ERC1: variants seen among roughly 807,000 people sequenced by gnomAD.
ERC1 encodes ELKS/RAB6-interacting/CAST family member 1.
In ERC1, 56 loss-of-function variants were observed where a neutral mutation model predicts 132.0. The ratio of observed to expected loss-of-function variants is 0.42; its 90% CI spans 0.34 to 0.53. ERC1 has a LOEUF of 0.53. Among genes scored for constraint, ERC1 ranks in the 20% least tolerant of loss-of-function variants. The probability of loss-of-function intolerance (pLI) is 0.03; values close to 1 mark genes in which losing one functional copy is unlikely to be tolerated. For synonymous variants in ERC1, 478 were observed against 476.1 expected, an observed-to-expected ratio of 1.00 and a Z score of -0.05; for missense variants, 1,202 against 1,349.9, an observed-to-expected ratio of 0.89 and a Z score of 1.72.
intron 12 of ERC1, among the ~76,000 whole-genome samples, chr12:1,207,487 G>A (rs1046294631): frequency 1.3e-5 from 2 of 152,140 alleles, no homozygotes; most frequent in African/African-American, 2.4e-5. Flanking sequence ...GTTCAAGAGC[G>A]TATTTCTTAT....
chr12:1,140,595 A>C (rs1052243417), intron 7 of ERC1, among the ~76,000 whole-genome samples: 1 of 152,182 alleles, frequency 6.6e-6, no homozygotes, highest in African/African-American at 2.4e-5. Flanking sequence ...GATGTACCCT[A>C]AATGTGAAAC....
At chr12:1,444,837 C>A in intron 18 of ERC1, 87 bp downstream of exon 18, 1 of 1,256,446 alleles carries the variant, frequency 8.0e-7, no homozygotes, top group South Asian at 1.4e-5. Context: ...CTTGGGGAAT[C>A]CAGTTGCCGT....
intron 2 of ERC1, among the ~76,000 whole-genome samples, chr12:1,059,638 T>A (rs1415044547): frequency 1.3e-5 from 2 of 152,230 alleles, no homozygotes; most frequent in African/African-American, 4.8e-5. Context: ...TATATTACAT[T>A]TATCGTTTTG....
chr12:1,060,145 C>G (rs1292228825), intron 2 of ERC1, among the ~76,000 whole-genome samples: 1 of 148,824 alleles, frequency 6.7e-6, no homozygotes, highest in Non-Finnish European at 1.5e-5. Flanking sequence ...GGGGAGGCCT[C>G]AGAATCATGG....
chr12:1,083,829 G>C (rs1404658001), intron 3 of ERC1, among the ~76,000 whole-genome samples: 1 of 152,074 alleles, frequency 6.6e-6, no homozygotes, highest in African/African-American at 2.4e-5. Flanking sequence ...GATTTTGAGA[G>C]TTCATTTGTT....
chr12:1,348,732 A>G (rs1595154548), intron 15 of ERC1, among the ~76,000 whole-genome samples: 1 of 152,124 alleles, frequency 6.6e-6, no homozygotes, highest in Admixed American at 6.5e-5. Context: ...ATATAATGCA[A>G]CAAGATTTCC....
chr12:1,051,154 C>T (rs1971888139), intron 2 of ERC1, among the ~76,000 whole-genome samples: 2 of 152,162 alleles, frequency 1.3e-5, no homozygotes, highest in African/African-American at 2.4e-5. Flanking sequence ...GCATGATTTT[C>T]AGCTACTGTT....
chr12:1,401,170 G>A (rs1277091036), intron 16 of ERC1, among the ~76,000 whole-genome samples: 1 of 151,900 alleles, frequency 6.6e-6, no homozygotes, highest in Non-Finnish European at 1.5e-5. Context: ...TCCTGACCTT[G>A]TGATCCGCCC....
At chr12:1,214,268 T>C (rs1313157858) in intron 12 of ERC1, among the ~76,000 whole-genome samples, 3 of 152,234 alleles carry the variant, frequency 2.0e-5, no homozygotes, top group Non-Finnish European at 4.4e-5. Context: ...GTTTGAGTAC[T>C]AGTTCTAGGA....
rs150360885 is a variant in ERC1 at position 1,112,269 on chromosome 12, A to G, written c.1372A>G (p.Lys458Glu). The G allele has an allele frequency of 1.2e-3, 1,910 of 1,613,090 alleles. 20 individuals are homozygous for G. Among genetic ancestry groups the G allele is most frequent in the South Asian group, 5.6e-4 (51 of 91,056 alleles). ...SSKEAQWEEL[K>E]KKAAGLQAEI... ...GAAAGAGGCTCAATGGGAGGAGCTG[A>G]AAAAGAAAGCGGCTGGTCTTCAGGC... Residue 458 changes from lysine (K) to glutamate (E), a missense_variant, in exon 6 of 19, where the codon AAA becomes GAA. Lys to Glu is a moderately conservative substitution (Grantham distance 56). Coordinates refer to ENST00000360905, the MANE Select transcript of ERC1 (RefSeq NM_178040.4).
intron 13 of ERC1, among the ~76,000 whole-genome samples, chr12:1,251,635 T>C (rs2076474670): frequency 6.6e-6 from 1 of 152,138 alleles, no homozygotes; most frequent in Non-Finnish European, 1.5e-5. Context: ...AACTCCTATC[T>C]CAAACTGGGC....
chr12:1,262,428 T>G (rs2077199685), intron 13 of ERC1, among the ~76,000 whole-genome samples: 1 of 152,218 alleles, frequency 6.6e-6, no homozygotes, highest in African/African-American at 2.4e-5. Context: ...AATTGCTCAT[T>G]CTTAGCCAGA....
intron 13 of ERC1, chr12:1,244,920 A>G (rs1353709067): frequency 1.9e-5 from 3 of 154,558 alleles, no homozygotes; most frequent in African/African-American, 7.3e-5. Context: ...CACGTAGTAA[A>G]TTTATTTTAT....
intron 13 of ERC1, among the ~76,000 whole-genome samples, chr12:1,237,705 C>G (rs1352319920): frequency 6.6e-6 from 1 of 152,238 alleles, no homozygotes; most frequent in Non-Finnish European, 1.5e-5. Context: ...CTGGGACTTC[C>G]TGAATCTGTA....
chr12:1,313,841 G>A (rs780919987), intron 15 of ERC1, among the ~76,000 whole-genome samples: 8 of 151,908 alleles, frequency 5.3e-5, no homozygotes, highest in Non-Finnish European at 1.2e-4. Context: ...AAAATCAGCC[G>A]GGCATGGTGG....
chr12:1,488,314 T>G (rs1218131745), intron 18 of ERC1, among the ~76,000 whole-genome samples: 3 of 152,170 alleles, frequency 2.0e-5, no homozygotes, highest in Non-Finnish European at 2.9e-5. Context: ...ATGCTCTTGC[T>G]GGGTGATCTT....
At chr12:1,268,164 C>G (rs1182644940) in intron 14 of ERC1, among the ~76,000 whole-genome samples, 2 of 152,206 alleles carry the variant, frequency 1.3e-5, no homozygotes, top group Non-Finnish European at 2.9e-5. Flanking sequence ...ACTAATAGAA[C>G]TATAATTGTA....
intron 18 of ERC1, among the ~76,000 whole-genome samples, chr12:1,448,283 C>G (rs898709629): frequency 6.6e-6 from 1 of 152,192 alleles, no homozygotes; most frequent in African/African-American, 2.4e-5. Flanking sequence ...ATTGTATTCT[C>G]CCCAACAGTC....
intron 8 of ERC1, among the ~76,000 whole-genome samples, chr12:1,166,091 A>C (rs1952397340): frequency 6.6e-6 from 1 of 152,152 alleles, no homozygotes; most frequent in Non-Finnish European, 1.5e-5. Context: ...AAATGTGAAG[A>C]CATGAGATTT....
Sources: gnomAD v4.1 joint callset for allele counts (sites outside exome capture counted in the v4.1 genomes callset) on GRCh38, gnomAD v4.1.1 for gene constraint, MANE v1.5 for transcripts, NCBI Gene and HGNC (gene_info 2026-07-23, HGNC 2026-07-21) for gene names.